The following ZNF423 variants were observed in gnomAD, a reference collection of about 807,000 sequenced individuals.
ZNF423 encodes zinc finger protein 423, also known as Ebf-associated zinc finger protein.
Under a neutral mutation model 95.8 loss-of-function variants are expected in ZNF423, and 12 were observed. The ratio of observed to expected loss-of-function variants is 0.13; its 90% CI spans 0.08 to 0.20. ZNF423 has a LOEUF of 0.20. Among genes scored for constraint, ZNF423 ranks in the 10% least tolerant of loss-of-function variants. The pLI, the probability that ZNF423 is intolerant of heterozygous loss-of-function variation, is 1.00. For synonymous variants in ZNF423, 749 were observed against 711.9 expected (o/e 1.05, Z -0.83); for missense variants, 1,316 against 1,737.1 (o/e 0.76, Z 4.31).
At chr16:49,747,544 G>A (rs974740005) in intron 2 of ZNF423, among the ~76,000 whole-genome samples, 6 of 152,094 alleles carry the variant, frequency 3.9e-5, no homozygotes, top group African/African-American at 7.2e-5. Context: ...AAGCCCTAAC[G>A]GGGCAGGAAG....
intron 3 of ZNF423, among the ~76,000 whole-genome samples, chr16:49,658,259 T>C (rs111366469): frequency 0.023 from 3,552 of 152,246 alleles, 142 homozygotes; most frequent in African/African-American, 0.082. Context: ...CGCACCTTCA[T>C]AGCTGCTGTG....
At chr16:49,677,287 A>AGAAGG (rs2031122149) in intron 3 of ZNF423, among the ~76,000 whole-genome samples, 1 of 82,324 alleles carries the variant, frequency 1.2e-5, no homozygotes, top group Non-Finnish European at 2.5e-5. Context: ...AGAAGAGAAG[A>AGAAGG]GAAGAGAAGA....
chr16:49,669,963 T>C (rs968063661), intron 3 of ZNF423, among the ~76,000 whole-genome samples: 32 of 152,084 alleles, frequency 2.1e-4, no homozygotes, highest in African/African-American at 7.0e-4. Flanking sequence ...ACACACGGGA[T>C]TATTGAGGGT....
At chr16:49,681,355 T>C (rs1408291565) in intron 3 of ZNF423, among the ~76,000 whole-genome samples, 1 of 152,228 alleles carries the variant, frequency 6.6e-6, no homozygotes, top group South Asian at 2.1e-4. Context: ...GGCTCTCTTT[T>C]GGCAGCTTTC....
In ZNF423 at chr16:49,660,555, G is replaced by A. The variant is rs1036859024; in HGVS notation, c.302-21681C>T. Among the ~76,000 whole-genome samples, 5 of 152,172 alleles carry A rather than the reference G, an allele frequency of 3.3e-5. No homozygotes were observed. In the East Asian group the frequency reaches 7.7e-4, roughly 23 times the overall value. On this transcript the variant is annotated intron_variant, in intron 3 of 7. Transcript: ENST00000563137. Reference sequence around the variant, plus strand: ...ACCTGACCACCCTCCTGACCACCTGGGTCCAGTGGGGCTGCCCCCAGCAGA... The same window carrying A: ...ACCTGACCACCCTCCTGACCACCTGAGTCCAGTGGGGCTGCCCCCAGCAGA...
chr16:49,662,684 G>A (rs185269928), intron 3 of ZNF423, among the ~76,000 whole-genome samples: 1 of 152,188 alleles, frequency 6.6e-6, no homozygotes, highest in Non-Finnish European at 1.5e-5. Context: ...CAGGAAAAGG[G>A]TGAAGGGTGG....
chr16:49,680,197 G>A (rs1447742098), intron 3 of ZNF423, among the ~76,000 whole-genome samples: 1 of 152,248 alleles, frequency 6.6e-6, no homozygotes, highest in Non-Finnish European at 1.5e-5. Context: ...GGACCTGCCT[G>A]CAGAAAGGAG....
chr16:49,649,662 C>G (rs1264095158), intron 3 of ZNF423, among the ~76,000 whole-genome samples: 5 of 71,162 alleles, frequency 7.0e-5, no homozygotes, highest in South Asian at 6.4e-4. Context: ...CACACACACA[C>G]ACACACAGGG....
chr16:49,604,446 A>G (rs1395524434), intron 5 of ZNF423, among the ~76,000 whole-genome samples: 1 of 151,960 alleles, frequency 6.6e-6, no homozygotes, highest in East Asian at 1.9e-4. Context: ...TAGTTGGCCC[A>G]CGGGCACCTG....
At chr16:49,788,739 G>T (rs935632968) in intron 2 of ZNF423, among the ~76,000 whole-genome samples, 4 of 152,204 alleles carry the variant, frequency 2.6e-5, no homozygotes, top group African/African-American at 9.6e-5. Context: ...AGGGGATCCC[G>T]GCGCCTGCCG....
At chr16:49,749,449 C>T (rs2033591008) in intron 2 of ZNF423, among the ~76,000 whole-genome samples, 1 of 152,170 alleles carries the variant, frequency 6.6e-6, no homozygotes, top group East Asian at 1.9e-4. Flanking sequence ...AAGATAACTG[C>T]GACTGATGTC....
At chr16:49,504,743 G>A (rs1014217317) in intron 7 of ZNF423, among the ~76,000 whole-genome samples, 2 of 152,198 alleles carry the variant, frequency 1.3e-5, no homozygotes, top group Non-Finnish European at 2.9e-5. Context: ...AGCATCCCAG[G>A]ACAACATGCC....
chr16:49,788,332 A>G (rs185643368), intron 2 of ZNF423, among the ~76,000 whole-genome samples: 2 of 152,272 alleles, frequency 1.3e-5, no homozygotes, highest in East Asian at 3.9e-4. Context: ...CCCAAATTTC[A>G]TTGAACCATC....
At chr16:49,804,356 T>C (rs886329350) in intron 1 of ZNF423, among the ~76,000 whole-genome samples, 7 of 152,234 alleles carry the variant, frequency 4.6e-5, no homozygotes, top group Non-Finnish European at 1.0e-4. Flanking sequence ...TGGGTCTCTT[T>C]TTTAATGTAA....
intron 5 of ZNF423, among the ~76,000 whole-genome samples, chr16:49,547,336 C>T (rs529800647): frequency 1.7e-4 from 26 of 152,272 alleles, no homozygotes; most frequent in African/African-American, 6.3e-4. Flanking sequence ...TCACCCAACA[C>T]AAAGGGGCCA....
chr16:49,633,900 C>T (rs1035647516), intron 4 of ZNF423, among the ~76,000 whole-genome samples: 3 of 151,924 alleles, frequency 2.0e-5, no homozygotes, highest in Admixed American at 6.6e-5. Context: ...TCTTTTTCTT[C>T]CTTTCTTTCT....
intron 2 of ZNF423, among the ~76,000 whole-genome samples, chr16:49,771,515 T>C (rs375046261): frequency 5.3e-5 from 8 of 152,150 alleles, no homozygotes; most frequent in African/African-American, 1.9e-4. Context: ...TCATCTTGAA[T>C]TGTAGTTCCC....
intron 2 of ZNF423, among the ~76,000 whole-genome samples, chr16:49,748,338 C>A (rs1178015715): frequency 6.6e-6 from 1 of 152,184 alleles, no homozygotes; most frequent in Non-Finnish European, 1.5e-5. Context: ...AGATTTTCCA[C>A]CTCTGAGTTT....
chr16:49,619,708 T>C (rs559214159), intron 5 of ZNF423, among the ~76,000 whole-genome samples: 1 of 152,332 alleles, frequency 6.6e-6, no homozygotes, highest in Admixed American at 6.5e-5. Flanking sequence ...TTTTATCACA[T>C]ATTAAGGTTA....
Sources: allele counts gnomAD v4.1 joint callset (sites outside exome capture counted in the v4.1 genomes callset), GRCh38; gene constraint gnomAD v4.1.1; transcripts MANE v1.5; gene names NCBI Gene and HGNC (gene_info 2026-07-23, HGNC 2026-07-21).